PSMD7: variants seen among roughly 807,000 people sequenced by gnomAD.
PSMD7 encodes 26S proteasome non-ATPase regulatory subunit 7.
PSMD7 carries 13 observed loss-of-function variants against 36.4 expected under a neutral mutation model. That is an observed-to-expected ratio of 0.36 (90% CI 0.23 to 0.57). The LOEUF is 0.57. Ranked by LOEUF, PSMD7 falls within the 20% of genes least tolerant of loss-of-function variation. PSMD7 has a pLI of 0.83. For missense variants in PSMD7, 298 were observed against 393.6 expected, an observed-to-expected ratio of 0.76 and a Z score of 2.06; for synonymous variants, 186 against 151.0, an observed-to-expected ratio of 1.23 and a Z score of -1.70.
At chr16:74,297,052 G>A in intron 1 of PSMD7, 64 bp downstream of exon 1, 1 of 1,556,920 alleles carries the variant, frequency 6.4e-7, no homozygotes, top group East Asian at 2.3e-5. Context: ...GCACGCTGGA[G>A]ATGGCGCGGC....
intron 1 of PSMD7, among the ~76,000 whole-genome samples, chr16:74,297,859 G>A (rs2034125781): frequency 6.6e-6 from 1 of 152,056 alleles, no homozygotes; most frequent in Non-Finnish European, 1.5e-5. Flanking sequence ...TCCTGTTATC[G>A]AAATCTGGAT....
In PSMD7 at chr16:74,299,207, G is replaced by A. The variant is rs138386188; in HGVS notation, c.75-908G>A. ...TGGCTTTTGTCTTTCCTTAGCATAG[G>A]GTTGTATTTCTGTGTCACACATTTG... On this transcript the variant is annotated intron_variant, in intron 1 of 6. Transcript: ENST00000219313. Among the ~76,000 whole-genome samples, 209 of 152,230 alleles carry A rather than the reference G, an allele frequency of 1.4e-3. 4 individuals carry two copies. The East Asian group carries it at 0.038, about 27-fold the overall frequency.
At position 74,305,796 on chromosome 16, in the gene PSMD7, T is replaced by C; in HGVS notation, c.*63T>C. On this transcript the variant is annotated 3_prime_UTR_variant, in exon 7 of 7. Coordinates refer to ENST00000219313, the MANE Select transcript of PSMD7 (RefSeq NM_002811.5). ...AATCTTACAAACTAAATCAGTGTGC[T>C]GCTAGAGGGTTCTTTTTCACTTGAC... 1 of 1,380,838 alleles carries C rather than the reference T, an allele frequency of 7.2e-7. No individual in the cohort carries two copies. The allele number at this position is 1,380,838 out of a possible 1,614,324, so 85.5% of individuals were successfully genotyped here. A position where few individuals can be genotyped will look rare whatever the true frequency, so the allele number is the denominator to read the frequency against.
At chr16:74,304,248 A>C (rs554285113) in intron 5 of PSMD7, 55 bp from the exon 6 acceptor site, 3 of 1,506,958 alleles carry the variant, frequency 2.0e-6, no homozygotes, top group East Asian at 2.3e-5. Flanking sequence ...GAAAAGGAAC[A>C]CATGTCAGTT....
At chr16:74,304,511 A>G in intron 6 of PSMD7, 117 bp downstream of exon 6, 2 of 795,994 alleles carry the variant, frequency 2.5e-6, no homozygotes, top group Non-Finnish European at 2.0e-6. Context: ...GTCCACTAAC[A>G]AGTCTGCCAT....
At chr16:74,300,252 G>A (rs1416450642) in intron 2 of PSMD7, 46 bp downstream of exon 2, 1 of 1,519,706 alleles carries the variant, frequency 6.6e-7, no homozygotes, top group East Asian at 2.3e-5. Context: ...TAAAATGTCA[G>A]TTTACCCTTT....
chr16:74,297,088 A>G lies in PSMD7; in HGVS notation c.74+100A>G, dbSNP rs1040480904. The stretch of plus-strand genomic sequence containing the variant: ...GGCCGCGGACGAGCTGGGGACGCAG[A>G]TAGGGCGGCTGGTGACCCTTACTTG... On this transcript the variant is annotated intron_variant, in intron 1 of 6. Coordinates refer to ENST00000219313, the MANE Select transcript of PSMD7 (RefSeq NM_002811.5). 33 of 1,295,812 alleles carry G rather than the reference A, an allele frequency of 2.5e-5. No homozygotes were observed. Among genetic ancestry groups the G allele is most frequent in the Non-Finnish European group, 3.0e-5 (27 of 914,746 alleles). 80.3% of individuals were successfully genotyped at this position (1,295,812 alleles called of 1,614,324 possible).
chr16:74,300,252 GT>G, intron 2 of PSMD7, 46 bp downstream of exon 2: 1 of 1,519,704 alleles, frequency 6.6e-7, no homozygotes, highest in Non-Finnish European at 9.1e-7. Flanking sequence ...TAAAATGTCA[GT>G]TTACCCTTTA....
chr16:74,304,094 C>A (rs1046536033), intron 5 of PSMD7: 86 of 480,578 alleles, frequency 1.8e-4, no homozygotes, highest in Non-Finnish European at 8.4e-5. Context: ...AGTGCCCCAG[C>A]AGACTGCATC....
intron 3 of PSMD7, 33 bp from the exon 4 acceptor site, chr16:74,301,522 T>C: frequency 6.8e-7 from 1 of 1,471,894 alleles, no homozygotes; most frequent in East Asian, 2.3e-5. Flanking sequence ...CTTCATGAAA[T>C]AGTTAAAGCC....
chr16:74,299,641 A>C (rs1174946310), intron 1 of PSMD7: 1 of 436,626 alleles, frequency 2.3e-6, no homozygotes, highest in African/African-American at 2.0e-5. Context: ...TGATCTGCCC[A>C]CCTCAGCCTC....
rs566322744 is a variant in PSMD7, at chr16:74,305,925, A to G, written c.*192A>G. Reference sequence around the variant, plus strand: ...GAGACTGATCTCAAATCTGAACTGCAGCTTTCGCTGCTGTGAGTTGGGGAT... The same window carrying G: ...GAGACTGATCTCAAATCTGAACTGCGGCTTTCGCTGCTGTGAGTTGGGGAT... On this transcript the variant is annotated 3_prime_UTR_variant, in exon 7 of 7. Transcript: ENST00000219313. 1.5e-4 allele frequency: 73 copies of G among 494,982 alleles called. No homozygotes were observed. Among genetic ancestry groups the G allele is most frequent in the Admixed American group, 7.9e-4 (19 of 23,906 alleles). The allele number at this position is 494,982 out of a possible 1,614,324, so 30.7% of individuals were successfully genotyped here. A position where few individuals can be genotyped will look rare whatever the true frequency, so the allele number is the denominator to read the frequency against.
In PSMD7 at chr16:74,300,132, A is replaced by G. The variant is rs779964946; in HGVS notation, c.92A>G (p.Asn31Ser). ...TCATTCAGAATCGGCAAGGTTGGAAACCAGAAGCGTGTTGTTGGTGTGCTT... is the reference window on the plus strand; with the variant it reads ...TCATTCAGAATCGGCAAGGTTGGAAGCCAGAAGCGTGTTGTTGGTGTGCTT... ...DHFNRIGKVG[N>S]QKRVVGVLLG... is the part of the protein sequence containing the mutation. The change falls in exon 2 of 7, where the codon AAC becomes AGC. Residue 31 changes from asparagine to serine, a missense_variant. By Grantham distance (46) the Asn-to-Ser change is conservative (BLOSUM62 1). Coordinates refer to ENST00000219313, the MANE Select transcript of PSMD7 (RefSeq NM_002811.5). 4 of 1,614,108 alleles carry G rather than the reference A, an allele frequency of 2.5e-6. No individual in the cohort carries two copies. The highest frequency in any genetic ancestry group is 4.5e-5 in the East Asian group (2 of 44,896).
intron 1 of PSMD7, 53 bp from the exon 2 acceptor site, chr16:74,300,062 G>A: frequency 1.4e-6 from 2 of 1,464,360 alleles, no homozygotes; most frequent in South Asian, 1.1e-5. Flanking sequence ...TTATTGTTGG[G>A]TTCATGTTTC....
At chr16:74,297,277 G>A (rs565570612) in intron 1 of PSMD7, among the ~76,000 whole-genome samples, 1 of 152,328 alleles carries the variant, frequency 6.6e-6, no homozygotes, top group African/African-American at 2.4e-5. Flanking sequence ...TCGTTTTACC[G>A]AAATCTGGAT....
intron 1 of PSMD7, among the ~76,000 whole-genome samples, chr16:74,298,430 C>G (rs1005698628): frequency 6.6e-6 from 1 of 152,150 alleles, no homozygotes; most frequent in Non-Finnish European, 1.5e-5. Flanking sequence ...TTGCTGTGTG[C>G]AACTAATTCA....
At chr16:74,303,439 T>G (rs766694120) in intron 5 of PSMD7, among the ~76,000 whole-genome samples, 1 of 152,216 alleles carries the variant, frequency 6.6e-6, no homozygotes, top group African/African-American at 2.4e-5. Context: ...ACAGACAGTT[T>G]ACAGCCTTTT....
chr16:74,303,607 T>G (rs2034172800), intron 5 of PSMD7, among the ~76,000 whole-genome samples: 1 of 152,174 alleles, frequency 6.6e-6, no homozygotes, highest in African/African-American at 2.4e-5. Flanking sequence ...TTGCATTGGT[T>G]TGGGCACTGT....
chr16:74,302,667 C>G (rs2034164700), intron 5 of PSMD7, among the ~76,000 whole-genome samples: 1 of 152,132 alleles, frequency 6.6e-6, no homozygotes, highest in Admixed American at 6.5e-5. Flanking sequence ...TGTTTGAGCC[C>G]AGGAGTTCAA....
Sources: gnomAD v4.1 joint callset for allele counts (sites outside exome capture counted in the v4.1 genomes callset) on GRCh38, gnomAD v4.1.1 for gene constraint, MANE v1.5 for transcripts, NCBI Gene and HGNC (gene_info 2026-07-23, HGNC 2026-07-21) for gene names.